CXCL17: variants seen among roughly 807,000 people sequenced by gnomAD.
CXCL17 encodes C-X-C motif chemokine 17.
CXCL17 carries 9 observed loss-of-function variants against 15.5 expected under a neutral mutation model. The ratio of observed to expected loss-of-function variants is 0.58; its 90% confidence interval spans 0.35 to 1.01. The LOEUF is 1.01. Among genes scored for constraint, CXCL17 ranks in the 50% least tolerant of loss-of-function variants. The pLI is 0.02. For missense variants in CXCL17, 133 were observed against 138.2 expected (o/e 0.96, Z 0.19); for synonymous variants, 52 against 52.3 (o/e 0.99, Z 0.02).
At chr19:42,430,161 G>A (rs113508431) in intron 3 of CXCL17, among the ~76,000 whole-genome samples, 3 of 151,526 alleles carry the variant, frequency 2.0e-5, no homozygotes, top group African/African-American at 7.3e-5. Flanking sequence ...TCTCAACTGC[G>A]CCCCTCCCTC....
In CXCL17 at chr19:42,433,074, C is replaced by G. The variant is rs947970957; in HGVS notation, c.164G>C (p.Trp55Ser). 1.2e-6 allele frequency: 2 copies of G among 1,610,374 alleles called. No individual in the cohort carries two copies. Among genetic ancestry groups the G allele is most frequent in the Non-Finnish European group, 1.7e-6 (2 of 1,176,864 alleles). ...TTTTCTTCTCGGGGCTCTCAGGAAC[C>G]AATCTGGAACAACAGCATTGCTGCT... ...EGGQECECKDWFLRAPRRKFM... is the reference protein window; with the variant it reads ...EGGQECECKDSFLRAPRRKFM... Residue 55 changes from tryptophan to serine, a missense_variant, in exon 3 of 4, where the codon TGG (tryptophan) becomes TCG (serine). By Grantham distance (177) the Trp-to-Ser change is radical (BLOSUM62 -3). Transcript: ENST00000601181.
chr19:42,436,854 T>C (rs2040839188), intron 1 of CXCL17, among the ~76,000 whole-genome samples: 1 of 152,192 alleles, frequency 6.6e-6, no homozygotes, highest in South Asian at 2.1e-4. Flanking sequence ...TGAGAGAGAG[T>C]TCCCAAAGTG....
At chr19:42,439,253 C>CAAAAAA (rs58768697) in intron 1 of CXCL17, among the ~76,000 whole-genome samples, 69 of 77,350 alleles carry the variant, frequency 8.9e-4, no homozygotes, top group South Asian at 1.3e-3. Flanking sequence ...GACTCTATCT[C>CAAAAAA]AAAAAAAAAA....
Position 42,433,904 on chromosome 19 carries a change from A to AATG in CXCL17, c.80-51_80-49dup, listed in dbSNP as rs139094769. ...ATCCAGACACTGGAAAGGGCACAGAAATGATCCTCCCAGCATTGTTCTACC... is the reference window on the plus strand; with the variant it reads ...ATCCAGACACTGGAAAGGGCACAGAAATGATGATCCTCCCAGCATTGTTCTACC... On this transcript the variant is annotated intron_variant, in intron 1 of 3. Coordinates refer to ENST00000601181, the MANE Select transcript of CXCL17 (RefSeq NM_198477.3). 2.6e-3 allele frequency: 3,679 copies of AATG among 1,424,558 alleles called. 71 individuals are homozygous for AATG. The East Asian group carries it at 0.046, about 18-fold the overall frequency. 88.2% of individuals were successfully genotyped at this position (1,424,558 alleles called of 1,614,324 possible).
chr19:42,438,307 G>T (rs1418097578), intron 1 of CXCL17, among the ~76,000 whole-genome samples: 8 of 124,734 alleles, frequency 6.4e-5, no homozygotes, highest in African/African-American at 2.5e-4. Context: ...GCAGTGAGCC[G>T]AGATTGCACC....
rs186773333 is a variant in CXCL17, at chr19:42,436,271, G to A, written c.80-2415C>T. Among the ~76,000 whole-genome samples, 45 of 152,274 alleles carry A rather than the reference G, an allele frequency of 3.0e-4. No individual in the cohort carries two copies. The East Asian group carries it at 7.3e-3, about 25-fold the overall frequency. ...CTGCCACACAGATGGAGGGGGTTGC[G>A]TCATTTCCCCAAGGGCTGCTTTTCC... On this transcript the variant is annotated intron_variant, in intron 1 of 3. Transcript: ENST00000601181.
intron 3 of CXCL17, among the ~76,000 whole-genome samples, chr19:42,430,741 C>T (rs530710448): frequency 6.6e-6 from 1 of 152,236 alleles, no homozygotes; most frequent in South Asian, 2.1e-4. Flanking sequence ...TTATTTACCA[C>T]CTATGTGTAT....
rs2040742218 is a variant in CXCL17, at chr19:42,428,697, GAGA to G, written c.*184_*186del. ...GGAGGGCACAGGCTAAGACTGACGA[GAGA>G]AGAAGACACTAGAGAGAGCAACAAA... On this transcript the variant is annotated 3_prime_UTR_variant, in exon 4 of 4. Transcript: ENST00000601181. 25 of 610,462 alleles carry G rather than the reference GAGA, an allele frequency of 4.1e-5. No individual in the cohort carries two copies. The East Asian group carries it at 6.8e-4, about 17-fold the overall frequency. The allele number at this position is 610,462 out of a possible 1,614,324, so 37.8% of individuals were successfully genotyped here.
intron 1 of CXCL17, among the ~76,000 whole-genome samples, chr19:42,440,576 C>CT (rs1380698703): frequency 3.3e-5 from 5 of 152,250 alleles, no homozygotes; most frequent in African/African-American, 1.2e-4. Flanking sequence ...GACTTAGAAA[C>CT]TACTCAGTCC....
At chr19:42,438,650 C>T (rs1242304424) in intron 1 of CXCL17, among the ~76,000 whole-genome samples, 3 of 151,892 alleles carry the variant, frequency 2.0e-5, no homozygotes, top group East Asian at 1.9e-4. Flanking sequence ...ACCTATCAGT[C>T]AGTGCCCATA....
chr19:42,439,113 G>T (rs568336381), intron 1 of CXCL17, among the ~76,000 whole-genome samples: 19 of 152,134 alleles, frequency 1.2e-4, no homozygotes, highest in African/African-American at 4.6e-4. Flanking sequence ...AATTAGCTGG[G>T]TGTGGTGGTG....
chr19:42,438,381 A>AATATATAT lies in CXCL17; in HGVS notation c.79+4365_79+4372dup, dbSNP rs1201763586. On this transcript the variant is annotated intron_variant, in intron 1 of 3. Coordinates refer to ENST00000601181, the MANE Select transcript of CXCL17 (RefSeq NM_198477.3). ...AAAAAAAAAAAAAAAAAAAAAAAAA[A>AATATATAT]ATATATATATATATATATATATATA... 9.2e-3 allele frequency among the ~76,000 whole-genome samples: 588 copies of AATATATAT among 63,790 alleles called. 4 individuals carry two copies. Among genetic ancestry groups the AATATATAT allele is most frequent in the South Asian group, 0.014 (20 of 1,474 alleles). The allele number at this position is 63,790 out of a possible 152,430, so 41.8% of individuals were successfully genotyped here. A position where few individuals can be genotyped will look rare whatever the true frequency, so the allele number is the denominator to read the frequency against.
chr19:42,432,253 G>A (rs851301), intron 3 of CXCL17, among the ~76,000 whole-genome samples: 21,017 of 147,506 alleles, frequency 0.14, 1,744 homozygotes, highest in African/African-American at 0.23. Context: ...AAAGCAATTC[G>A]CGTGCCTCAA....
intron 1 of CXCL17, among the ~76,000 whole-genome samples, chr19:42,440,562 G>A (rs1023480954): frequency 6.6e-6 from 1 of 152,198 alleles, no homozygotes; most frequent in African/African-American, 2.4e-5. Flanking sequence ...CGTGCTTTAG[G>A]AGCGACTTAG....
chr19:42,433,843 G>A lies in CXCL17; in HGVS notation c.93C>T (p.Gly31=), dbSNP rs780868279. The A allele has an allele frequency of 6.2e-7, 1 of 1,613,960 alleles. No homozygotes were observed. The highest frequency in any genetic ancestry group is 1.7e-5 in the Admixed American group (1 of 60,024). ...SSSLNPGVAR[G]HRDRGQASRR... is the part of the protein sequence containing the mutation. ...TAGAAGCCTGGCCTCGGTCCCTGTG[G>A]CCTCTGGCGACCCCTGTCGGAAGGA... The change falls in exon 2 of 4, where the codon GGC becomes GGT. Residue 31 remains glycine (G), a synonymous_variant. Coordinates refer to ENST00000601181, the MANE Select transcript of CXCL17 (RefSeq NM_198477.3).
intron 1 of CXCL17, among the ~76,000 whole-genome samples, chr19:42,439,978 T>C (rs1257782917): frequency 6.6e-6 from 1 of 152,210 alleles, no homozygotes; most frequent in Non-Finnish European, 1.5e-5. Flanking sequence ...CTCCTGGTTT[T>C]GATAATTGTA....
Position 42,428,690 on chromosome 19 carries a change from CT to C in CXCL17, c.*193del. 1 of 591,924 alleles carries C rather than the reference CT, an allele frequency of 1.7e-6. No homozygotes were observed. The highest frequency in any genetic ancestry group is 2.0e-5 in the South Asian group (1 of 49,932). The allele number at this position is 591,924 out of a possible 1,614,324, so 36.7% of individuals were successfully genotyped here. ...GGTAAGGGGAGGGCACAGGCTAAGA[CT>C]GACGAGAGAAGAAGACACTAGAGAG... On this transcript the variant is annotated 3_prime_UTR_variant, in exon 4 of 4. Coordinates refer to ENST00000601181, the MANE Select transcript of CXCL17 (RefSeq NM_198477.3).
intron 1 of CXCL17, 96 bp downstream of exon 1, chr19:42,442,658 C>A: frequency 1.2e-6 from 1 of 835,326 alleles, no homozygotes; most frequent in Non-Finnish European, 2.0e-6. Flanking sequence ...CTTGCCCCAT[C>A]CCCCATAGCT....
intron 3 of CXCL17, among the ~76,000 whole-genome samples, chr19:42,430,062 G>C (rs1035336238): frequency 1.3e-5 from 2 of 151,974 alleles, no homozygotes; most frequent in African/African-American, 2.4e-5. Flanking sequence ...AGTTGCTGGG[G>C]AGGCTGAGGC....
Sources: gnomAD v4.1 joint callset for allele counts (sites outside exome capture counted in the v4.1 genomes callset) on GRCh38, gnomAD v4.1.1 for gene constraint, MANE v1.5 for transcripts, NCBI Gene and HGNC (gene_info 2026-07-23, HGNC 2026-07-21) for gene names.